DCDC1: variants seen among roughly 807,000 people sequenced by gnomAD.
DCDC1 encodes the protein doublecortin domain containing 1, also known as doublecortin domain-containing protein 1.
In DCDC1, 200 loss-of-function variants were observed where a neutral mutation model predicts 178.3. The observed-to-expected ratio is 1.12, with a 90% CI of 1.00 to 1.26. The LOEUF (loss-of-function observed/expected upper bound fraction) is 1.26. DCDC1 is among the 50% of genes most tolerant of loss of function. The pLI is 0.00. For synonymous variants in DCDC1, 690 were observed against 604.8 expected (o/e 1.14, Z -2.07); for missense variants, 1,983 against 1,749.2 (o/e 1.13, Z -2.38).
rs193012159 is a variant in DCDC1 at position 31,213,684 on chromosome 11, C to A, written c.1221+27766G>T. Among the ~76,000 whole-genome samples, 333 of 151,150 alleles carry A rather than the reference C, an allele frequency of 2.2e-3. 2 individuals are homozygous for A. Among genetic ancestry groups the A allele is most frequent in the African/African-American group, 7.4e-3 (305 of 41,082 alleles). ...GCAGTTAGCCGAGATCACGCCACTG[C>A]ACTCCAGCTTGGGTGACAGAGCATG... is the stretch of plus-strand genomic sequence containing the variant. On this transcript the variant is annotated intron_variant, in intron 9 of 38. Transcript: ENST00000684477.
In DCDC1 at chr11:31,315,708, G is replaced by C. The variant is rs1204488579; in HGVS notation, c.165-7800C>G. 1.3e-4 allele frequency among the ~76,000 whole-genome samples: 16 copies of C among 122,970 alleles called. 1 individual carries two copies. Among genetic ancestry groups the C allele is most frequent in the Non-Finnish European group, 2.3e-4 (14 of 60,972 alleles). The allele number at this position is 122,970 out of a possible 152,430, so 80.7% of individuals were successfully genotyped here. A position where few individuals can be genotyped will look rare whatever the true frequency, so the allele number is the denominator to read the frequency against. On this transcript the variant is annotated intron_variant, in intron 3 of 38. Coordinates refer to ENST00000684477, the MANE Select transcript of DCDC1 (RefSeq NM_001387274.1). ...TTAGGGTACATGTGCATATTGTGCA[G>C]GTTAGTTACATATGTATACATGTGC...
intron 9 of DCDC1, among the ~76,000 whole-genome samples, chr11:31,205,364 T>G (rs1971747063): frequency 6.6e-6 from 1 of 152,334 alleles, no homozygotes; most frequent in South Asian, 2.1e-4. Flanking sequence ...ACCCTTGGCC[T>G]AAAATATGAC....
At chr11:30,877,530 C>G (rs1159617147) in intron 38 of DCDC1, among the ~76,000 whole-genome samples, 1 of 152,020 alleles carries the variant, frequency 6.6e-6, no homozygotes, top group Non-Finnish European at 1.5e-5. Flanking sequence ...AAAAATAAAC[C>G]TTCCATAATT....
At position 31,327,741 on chromosome 11, in the gene DCDC1, T is replaced by A. The variant is rs562324905; in HGVS notation, c.164+376A>T. On this transcript the variant is annotated intron_variant, in intron 3 of 38. Coordinates refer to ENST00000684477, the MANE Select transcript of DCDC1 (RefSeq NM_001387274.1). ...TTATATCACCTGTACTCAAACATTT[T>A]TTTTTAGACAGAGTCTCACTCTGTC... Among the ~76,000 whole-genome samples the A allele has an allele frequency of 2.9e-3, 443 of 152,272 alleles. 2 individuals carry two copies. Among genetic ancestry groups the A allele is most frequent in the African/African-American group, 9.8e-3 (409 of 41,564 alleles).
chr11:31,283,971 C>CCTCT (rs35150053), intron 7 of DCDC1, among the ~76,000 whole-genome samples: 1,907 of 148,534 alleles, frequency 0.013, 22 homozygotes, highest in African/African-American at 0.023. Context: ...TCTTTCCCTC[C>CCTCT]CTCTCTCTCT....
chr11:31,351,726 T>G (rs1192475115), intron 1 of DCDC1, among the ~76,000 whole-genome samples: 1 of 152,186 alleles, frequency 6.6e-6, no homozygotes, highest in East Asian at 1.9e-4. Flanking sequence ...TTATTTTGCA[T>G]AAGTTTAATA....
intron 9 of DCDC1, among the ~76,000 whole-genome samples, chr11:31,172,378 C>T (rs1379311313): frequency 6.6e-6 from 1 of 151,870 alleles, no homozygotes; most frequent in African/African-American, 2.4e-5. Flanking sequence ...CTGAAAAAGC[C>T]ATTTATTTTT....
intron 20 of DCDC1, among the ~76,000 whole-genome samples, chr11:31,005,107 G>A (rs567456735): frequency 1.5e-4 from 23 of 152,130 alleles, no homozygotes; most frequent in Middle Eastern, 3.4e-3. Context: ...TGTTATTTAC[G>A]TATGTTACCT....
At chr11:31,069,088 T>C (rs1220177058) in intron 18 of DCDC1, among the ~76,000 whole-genome samples, 1 of 152,074 alleles carries the variant, frequency 6.6e-6, no homozygotes, top group East Asian at 1.9e-4. Flanking sequence ...CCTGACCTTG[T>C]GATCTGCCCA....
chr11:31,055,107 C>T (rs1208938194), intron 20 of DCDC1, among the ~76,000 whole-genome samples: 1 of 152,082 alleles, frequency 6.6e-6, no homozygotes, highest in South Asian at 2.1e-4. Flanking sequence ...AGATTAATAT[C>T]CAGAATCTAC....
intron 9 of DCDC1, among the ~76,000 whole-genome samples, chr11:31,239,383 T>C (rs1976835150): frequency 2.0e-5 from 3 of 152,008 alleles, no homozygotes; most frequent in Admixed American, 2.0e-4. Flanking sequence ...TGATGGTCTG[T>C]TAAGGGTATG....
At chr11:31,129,111 C>G (rs1239441792) in intron 10 of DCDC1, among the ~76,000 whole-genome samples, 1 of 152,052 alleles carries the variant, frequency 6.6e-6, no homozygotes, top group Non-Finnish European at 1.5e-5. Flanking sequence ...TATTTCTATC[C>G]CTTCTGCAGA....
chr11:31,269,024 G>A (rs185999477), intron 7 of DCDC1, among the ~76,000 whole-genome samples: 4 of 152,328 alleles, frequency 2.6e-5, no homozygotes, highest in Admixed American at 2.6e-4. Context: ...AGTTAAATGA[G>A]TTTTAAAACT....
At chr11:31,269,434 G>A (rs1039972091) in intron 7 of DCDC1, among the ~76,000 whole-genome samples, 1 of 151,366 alleles carries the variant, frequency 6.6e-6, no homozygotes, top group East Asian at 1.9e-4. Context: ...CCAGGCTGGA[G>A]TGCAGTGGCA....
intron 20 of DCDC1, among the ~76,000 whole-genome samples, chr11:30,973,033 G>C (rs952263343): frequency 6.6e-6 from 1 of 151,790 alleles, no homozygotes; most frequent in African/African-American, 2.4e-5. Flanking sequence ...GCACTTTTGG[G>C]GGCTGAAGTG....
intron 21 of DCDC1, among the ~76,000 whole-genome samples, chr11:30,941,379 T>C (rs1425844113): frequency 6.6e-6 from 1 of 152,170 alleles, no homozygotes; most frequent in African/African-American, 2.4e-5. Flanking sequence ...GCATGATCAG[T>C]ACCTCCTATT....
intron 20 of DCDC1, among the ~76,000 whole-genome samples, chr11:31,021,544 T>C (rs1018159157): frequency 2.6e-5 from 4 of 152,122 alleles, no homozygotes; most frequent in Non-Finnish European, 2.9e-5. Flanking sequence ...TTTCCCTGTA[T>C]ATGCATTAAA....
At chr11:30,900,272 T>C in intron 33 of DCDC1, 74 bp downstream of exon 33, 1 of 1,278,094 alleles carries the variant, frequency 7.8e-7, no homozygotes, top group Non-Finnish European at 1.0e-6. Flanking sequence ...ATTCATTTTC[T>C]TATGATGGCA....
chr11:30,921,239 A>G (rs1946232202), intron 24 of DCDC1, among the ~76,000 whole-genome samples: 1 of 152,204 alleles, frequency 6.6e-6, no homozygotes, highest in East Asian at 1.9e-4. Flanking sequence ...CTGGGATCCA[A>G]AACTCATCAG....
Sources: allele counts gnomAD v4.1 joint callset (sites outside exome capture counted in the v4.1 genomes callset), GRCh38; gene constraint gnomAD v4.1.1; transcripts MANE v1.5; gene names NCBI Gene and HGNC (gene_info 2026-07-23, HGNC 2026-07-21).